ELMO1: variants seen among roughly 807,000 people sequenced by gnomAD.
The protein encoded by ELMO1 is engulfment and cell motility protein 1.
In ELMO1, 26 loss-of-function variants were observed where a neutral mutation model predicts 98.9. The ratio of observed to expected loss-of-function variants is 0.26; its 90% CI spans 0.19 to 0.36. The LOEUF (loss-of-function observed/expected upper bound fraction) is 0.36. ELMO1 is among the 10% of genes least tolerant of loss of function. The pLI, the probability that ELMO1 is intolerant of heterozygous loss-of-function variation, is 1.00. For synonymous variants in ELMO1, 346 were observed against 346.0 expected, an observed-to-expected ratio of 1.00 and a Z score of 0.00; for missense variants, 627 against 935.2, an observed-to-expected ratio of 0.67 and a Z score of 4.30.
chr7:37,164,611 T>C (rs1789504349), intron 13 of ELMO1, among the ~76,000 whole-genome samples: 1 of 152,200 alleles, frequency 6.6e-6, no homozygotes, highest in Non-Finnish European at 1.5e-5. Flanking sequence ...TCCCTATTTC[T>C]TGTTTTTCTC....
intron 1 of ELMO1, among the ~76,000 whole-genome samples, chr7:37,361,863 G>A (rs1023348342): frequency 2.6e-5 from 4 of 152,186 alleles, no homozygotes; most frequent in African/African-American, 7.2e-5. Flanking sequence ...TTGGGAGGCT[G>A]AGGTGGAAGG....
chr7:37,180,057 G>A (rs934027074), intron 13 of ELMO1, among the ~76,000 whole-genome samples: 8 of 138,558 alleles, frequency 5.8e-5, no homozygotes, highest in African/African-American at 2.5e-4. Context: ...CAATATGAAA[G>A]AATGATTTTT....
chr7:37,159,529 C>A (rs1171440207), intron 13 of ELMO1, among the ~76,000 whole-genome samples: 1 of 152,002 alleles, frequency 6.6e-6, no homozygotes, highest in Non-Finnish European at 1.5e-5. Context: ...GGCAAAACTC[C>A]GTCTCTACTA....
chr7:37,110,889 G>A (rs1785215436), intron 14 of ELMO1, among the ~76,000 whole-genome samples: 1 of 152,180 alleles, frequency 6.6e-6, no homozygotes, highest in African/African-American at 2.4e-5. Context: ...TGGGTATGGT[G>A]GTGAGCGTAG....
intron 4 of ELMO1, among the ~76,000 whole-genome samples, chr7:37,274,898 A>C (rs549702469): frequency 7.2e-5 from 11 of 152,320 alleles, no homozygotes; most frequent in Non-Finnish European, 1.5e-4. Context: ...CTGCAATGAG[A>C]CATTCCTAAC....
intron 16 of ELMO1, among the ~76,000 whole-genome samples, chr7:36,918,657 G>C (rs1784897962): frequency 1.3e-5 from 2 of 152,178 alleles, no homozygotes; most frequent in Non-Finnish European, 2.9e-5. Flanking sequence ...GGGTCTGTCT[G>C]TCCGCTGTGC....
chr7:37,013,574 A>C (rs901911665), intron 15 of ELMO1, 139 bp from the exon 16 acceptor site: 9 of 1,048,006 alleles, frequency 8.6e-6, no homozygotes, highest in African/African-American at 1.6e-5. Flanking sequence ...AGTATTTTTG[A>C]AAAAAGCAAC....
intron 13 of ELMO1, among the ~76,000 whole-genome samples, chr7:37,156,795 G>A (rs953654149): frequency 7.2e-5 from 11 of 152,126 alleles, no homozygotes; most frequent in African/African-American, 2.4e-4. Context: ...GAAAAACAGG[G>A]AATCCTCCCT....
intron 16 of ELMO1, among the ~76,000 whole-genome samples, chr7:36,983,888 G>C (rs1055373310): frequency 1.3e-5 from 2 of 152,100 alleles, no homozygotes; most frequent in African/African-American, 4.8e-5. Context: ...GGTGGGGGGA[G>C]CAGAGAGGAG....
chr7:37,059,623 T>C (rs942633567), intron 15 of ELMO1, among the ~76,000 whole-genome samples: 1 of 152,160 alleles, frequency 6.6e-6, no homozygotes, highest in Non-Finnish European at 1.5e-5. Flanking sequence ...GATTCAGACT[T>C]TAATGGCCAC....
intron 1 of ELMO1, chr7:37,351,286 T>G (rs564517686): frequency 1.3e-5 from 2 of 152,360 alleles, no homozygotes; most frequent in South Asian, 4.1e-4. Context: ...ATAAATGTGA[T>G]CCAACCTAGT....
At chr7:36,867,944 T>A (rs977345313) in intron 20 of ELMO1, among the ~76,000 whole-genome samples, 1 of 152,178 alleles carries the variant, frequency 6.6e-6, no homozygotes, top group South Asian at 2.1e-4. Context: ...TCTTGGTGAA[T>A]GTTTCCTTTG....
intron 15 of ELMO1, among the ~76,000 whole-genome samples, chr7:37,027,506 C>G (rs910427821): frequency 6.6e-6 from 1 of 152,066 alleles, no homozygotes; most frequent in Non-Finnish European, 1.5e-5. Context: ...TTAAGGGAGA[C>G]GCAGGGGATA....
chr7:37,080,729 G>A (rs954983247), intron 15 of ELMO1, among the ~76,000 whole-genome samples: 11 of 150,818 alleles, frequency 7.3e-5, no homozygotes, highest in African/African-American at 2.7e-4. Context: ...GGAATTGCAG[G>A]TGTGAGTCAC....
At position 36,953,859 on chromosome 7, in the gene ELMO1, G is replaced by A. The variant is rs955982870; in HGVS notation, c.1438-58842C>T. The stretch of plus-strand genomic sequence containing the variant: ...ATGTTTTGTGTGTGTGTGTGTGTGT[G>A]TGTGTGTGTGTGTGTGTGTGTGTGT... On this transcript the variant is annotated intron_variant, in intron 16 of 21. Transcript: ENST00000310758. Among the ~76,000 whole-genome samples the A allele has an allele frequency of 1.8e-4, 9 of 49,606 alleles. No individual in the cohort carries two copies. The Admixed American group carries it at 2.0e-3, about 11-fold the overall frequency. 32.5% of individuals were successfully genotyped at this position (49,606 alleles called of 152,430 possible). A position where few individuals can be genotyped will look rare whatever the true frequency, so the allele number is the denominator to read the frequency against.
intron 4 of ELMO1, among the ~76,000 whole-genome samples, chr7:37,276,425 G>C (rs1037528844): frequency 2.0e-5 from 3 of 152,070 alleles, no homozygotes; most frequent in African/African-American, 7.2e-5. Flanking sequence ...TGGCTAACAC[G>C]GTGAAACCCC....
intron 4 of ELMO1, among the ~76,000 whole-genome samples, chr7:37,292,723 T>C (rs1797779967): frequency 1.2e-5 from 1 of 86,634 alleles, no homozygotes; most frequent in Non-Finnish European, 2.5e-5. Flanking sequence ...AGCCGCCCCG[T>C]CCGGGAGGGA....
In ELMO1 at chr7:37,192,814, A is replaced by AG. The variant is rs1491442341; in HGVS notation, c.1086+18571_1086+18572insC. ...CTCTGTCTCAAAAAAAAAAAAAAAA[A>AG]TGTGTGTGTGTGTATATATGTATAT... On this transcript the variant is annotated intron_variant, in intron 13 of 21. Transcript: ENST00000310758. Among the ~76,000 whole-genome samples, 216 of 143,638 alleles carry AG rather than the reference A, an allele frequency of 1.5e-3. 2 individuals carry two copies. The highest frequency in any genetic ancestry group is 2.8e-3 in the Non-Finnish European group (183 of 66,274). 94.2% of individuals were successfully genotyped at this position (143,638 alleles called of 152,430 possible).
At chr7:37,209,212 G>A (rs1792821454) in intron 13 of ELMO1, among the ~76,000 whole-genome samples, 1 of 152,088 alleles carries the variant, frequency 6.6e-6, no homozygotes, top group Non-Finnish European at 1.5e-5. Context: ...AAATAAAAAG[G>A]AGATGCTTCA....
Sources: gnomAD v4.1 joint callset for allele counts (sites outside exome capture counted in the v4.1 genomes callset) on GRCh38, gnomAD v4.1.1 for gene constraint, MANE v1.5 for transcripts, NCBI Gene and HGNC (gene_info 2026-07-23, HGNC 2026-07-21) for gene names.